LUC7L: variants seen among roughly 807,000 people sequenced by gnomAD.
The protein encoded by LUC7L is putative RNA-binding protein Luc7-like 1.
Under a neutral mutation model 51.1 loss-of-function variants are expected in LUC7L, and 29 were observed. The ratio of observed to expected loss-of-function variants is 0.57; its 90% CI spans 0.42 to 0.77. LUC7L has a LOEUF of 0.77. Ranked by LOEUF, LUC7L falls within the 30% of genes least tolerant of loss-of-function variation. The pLI, the probability that LUC7L is intolerant of heterozygous loss-of-function variation, is 0.00. For synonymous variants in LUC7L, 181 were observed against 180.7 expected, an observed-to-expected ratio of 1.00 and a Z score of -0.01; for missense variants, 403 against 511.9, an observed-to-expected ratio of 0.79 and a Z score of 2.05.
intron 6 of LUC7L, among the ~76,000 whole-genome samples, chr16:196,082 G>A (rs1349982550): frequency 2.6e-5 from 4 of 151,690 alleles, no homozygotes; most frequent in African/African-American, 9.7e-5. Context: ...TACACATTAA[G>A]GAAATAAAAG....
At position 208,239 on chromosome 16, in the gene LUC7L, G is replaced by T. The variant is rs766615107; in HGVS notation, c.256-51C>A. 5.2e-6 allele frequency: 7 copies of T among 1,343,344 alleles called. No individual in the cohort carries two copies. In the South Asian group the frequency reaches 7.3e-5, roughly 14 times the overall value. The allele number at this position is 1,343,344 out of a possible 1,614,324, so 83.2% of individuals were successfully genotyped here. On this transcript the variant is annotated intron_variant, in intron 3 of 9. Transcript: ENST00000293872. ...TAATCAATGATGTGTAAAGCGTAAAGTCTTAGAACCCATTTGCTTGATAGG... is the reference window on the plus strand; with the variant it reads ...TAATCAATGATGTGTAAAGCGTAAATTCTTAGAACCCATTTGCTTGATAGG...
Position 189,103 on chromosome 16 carries a change from A to C in LUC7L, c.*95T>G, listed in dbSNP as rs1211059750. 1 of 1,347,724 alleles carries C rather than the reference A, an allele frequency of 7.4e-7. No homozygotes were observed. The highest frequency in any genetic ancestry group is 1.5e-5 in the African/African-American group (1 of 68,628). 83.5% of individuals were successfully genotyped at this position (1,347,724 alleles called of 1,614,324 possible). A position where few individuals can be genotyped will look rare whatever the true frequency, so the allele number is the denominator to read the frequency against. On this transcript the variant is annotated 3_prime_UTR_variant, in exon 10 of 10. Transcript: ENST00000293872. ...TAGCTCCAAAACAATAGAAATTTTA[A>C]ACTACAAAAGATGAGTTGTATTCAG...
Position 208,060 on chromosome 16 carries a change from G to A in LUC7L, c.366+18C>T, listed in dbSNP as rs780497929. 1.8e-5 allele frequency: 29 copies of A among 1,568,892 alleles called. No individual in the cohort carries two copies. The highest frequency in any genetic ancestry group is 3.5e-5 in the South Asian group (3 of 86,788). On this transcript the variant is annotated intron_variant, in intron 4 of 9. Transcript: ENST00000293872. The stretch of plus-strand genomic sequence containing the variant: ...TATTTTTAAGAACACACCAGACACC[G>A]AAGCCACCCAAGCATACCTTTGCAG...
At chr16:213,221 T>C (rs989675626) in intron 3 of LUC7L, among the ~76,000 whole-genome samples, 1 of 152,152 alleles carries the variant, frequency 6.6e-6, no homozygotes, top group African/African-American at 2.4e-5. Context: ...CCTGGGTCTT[T>C]TGTGGTCAGG....
At chr16:210,415 C>A (rs148355342) in intron 3 of LUC7L, among the ~76,000 whole-genome samples, 14 of 152,192 alleles carry the variant, frequency 9.2e-5, no homozygotes, top group African/African-American at 2.4e-4. Flanking sequence ...CACCTGTACA[C>A]TGGACTTTCT....
Position 227,275 on chromosome 16 carries a change from CAGA to C in LUC7L, c.120_122del (p.Leu41del). 1 of 1,613,110 alleles carries C rather than the reference CAGA, an allele frequency of 6.2e-7. No individual in the cohort carries two copies. On this transcript the variant is annotated inframe_deletion, in exon 2 of 10. Coordinates refer to ENST00000293872, the MANE Select transcript of LUC7L (RefSeq NM_201412.3). ...CCAGGATGTCATGGGGGCAGCAGTCCAGAAGGTGACTCTTGCAGACACGGTCAT... is the reference window on the plus strand; with the variant it reads ...CCAGGATGTCATGGGGGCAGCAGTCCAGGTGACTCTTGCAGACACGGTCAT...
chr16:193,002 T>G lies in LUC7L; in HGVS notation c.701A>C (p.Glu234Ala). The G allele has an allele frequency of 6.2e-7, 1 of 1,613,122 alleles. No individual in the cohort carries two copies. The highest frequency in any genetic ancestry group is 8.5e-7 in the Non-Finnish European group (1 of 1,179,958). The change falls in exon 7 of 10, where the codon GAA (glutamate) becomes GCA (alanine). Residue 234 changes from glutamate (E) to alanine (A), a missense_variant. Physicochemically the swap from Glu to Ala is moderately radical, Grantham distance 107. Around this residue, in one of 3 missense-constraint regions of LUC7L, gnomAD observed 206 missense variants for 218.3 expected, o/e 0.94. Transcript: ENST00000293872. ...KLDQLRKTVAEKQEKRNQDRL... is the reference protein window; with the variant it reads ...KLDQLRKTVAAKQEKRNQDRL... Reference sequence around the variant, plus strand: ...ATCCTGATTTCTCTTCTCCTGCTTTTCAGCGACAGTTTTCTAAATAAATGA... The same window carrying G: ...ATCCTGATTTCTCTTCTCCTGCTTTGCAGCGACAGTTTTCTAAATAAATGA...
intron 6 of LUC7L, 83 bp downstream of exon 6, chr16:198,979 C>A (rs947085402): frequency 3.5e-6 from 5 of 1,411,018 alleles, no homozygotes; most frequent in Non-Finnish European, 4.7e-6. Context: ...CACGCCCGGC[C>A]AAAACATAAG....
chr16:207,253 A>G (rs2049509791), intron 4 of LUC7L, among the ~76,000 whole-genome samples: 1 of 151,456 alleles, frequency 6.6e-6, no homozygotes, highest in South Asian at 2.1e-4. Context: ...GCAGGGTCTC[A>G]CTCTGTTATC....
At chr16:200,114 C>G (rs961883860) in intron 5 of LUC7L, among the ~76,000 whole-genome samples, 14 of 152,106 alleles carry the variant, frequency 9.2e-5, no homozygotes, top group African/African-American at 3.4e-4. Context: ...ATAGCAAAAC[C>G]CTGTCTCTAC....
chr16:218,706 G>A (rs540991258), intron 3 of LUC7L, among the ~76,000 whole-genome samples: 46 of 151,866 alleles, frequency 3.0e-4, no homozygotes, highest in Admixed American at 5.9e-4. Context: ...GGGCAACAGA[G>A]GGAGACTCTG....
chr16:208,952 T>C (rs1258928267), intron 3 of LUC7L: 2 of 152,094 alleles, frequency 1.3e-5, no homozygotes, highest in African/African-American at 2.4e-5. Context: ...TCCCAGCACT[T>C]TGTGAGGCCA....
At chr16:216,379 T>TG (rs2049797946) in intron 3 of LUC7L, among the ~76,000 whole-genome samples, 1 of 136,940 alleles carries the variant, frequency 7.3e-6, no homozygotes, top group African/African-American at 2.8e-5. Context: ...ATCAAATAGT[T>TG]GTTTTTTTTT....
chr16:229,204 C>T, intron 1 of LUC7L, 75 bp downstream of exon 1: 2 of 1,504,852 alleles, frequency 1.3e-6, no homozygotes, highest in South Asian at 1.2e-5. Flanking sequence ...CGATCGCGGC[C>T]CCCGCCTCAG....
At chr16:227,785 A>G (rs961819556) in intron 1 of LUC7L, 51 of 999,236 alleles carry the variant, frequency 5.1e-5, no homozygotes, top group Non-Finnish European at 6.0e-5. Flanking sequence ...ATTTTGCCCA[A>G]AATTGAATGA....
intron 2 of LUC7L, among the ~76,000 whole-genome samples, chr16:221,978 G>T (rs2049982579): frequency 6.6e-6 from 1 of 152,156 alleles, no homozygotes; most frequent in Non-Finnish European, 1.5e-5. Context: ...CCTGGGAAAT[G>T]ACCCTGGACA....
intron 3 of LUC7L, 150 bp downstream of exon 3, chr16:220,499 T>C: frequency 1.5e-6 from 1 of 653,990 alleles, no homozygotes; most frequent in East Asian, 2.5e-5. Context: ...TAAACAGTAC[T>C]GGCTGTATTC....
intron 2 of LUC7L, among the ~76,000 whole-genome samples, chr16:224,147 C>T (rs1473522047): frequency 6.6e-6 from 1 of 152,100 alleles, no homozygotes; most frequent in Non-Finnish European, 1.5e-5. Flanking sequence ...ACCCTAAAAC[C>T]TGAAGTACAA....
chr16:218,677 C>T (rs866890630), intron 3 of LUC7L, among the ~76,000 whole-genome samples: 78 of 151,670 alleles, frequency 5.1e-4, no homozygotes, highest in Middle Eastern at 6.8e-3. Flanking sequence ...GCCAAGATTG[C>T]GCCACTGCAT....
Sources: gnomAD v4.1 joint callset for allele counts (sites outside exome capture counted in the v4.1 genomes callset) on GRCh38, gnomAD v4.1.1 for gene constraint, gnomAD v4.1.1 regional missense constraint, MANE v1.5 for transcripts, NCBI Gene and HGNC (gene_info 2026-07-23, HGNC 2026-07-21) for gene names.